The following ALDH4A1 variants were observed in gnomAD, a reference collection of about 807,000 sequenced individuals.
ALDH4A1 encodes the protein aldehyde dehydrogenase 4 family member A1.
In ALDH4A1, 46 loss-of-function variants were observed where a neutral mutation model predicts 70.5. The ratio of observed to expected loss-of-function variants is 0.65; its 90% CI spans 0.51 to 0.83. The LOEUF is 0.83. Ranked by LOEUF, ALDH4A1 falls within the 40% of genes least tolerant of loss-of-function variation. ALDH4A1 has a pLI of 0.00. For missense variants in ALDH4A1, 749 were observed against 766.5 expected, an observed-to-expected ratio of 0.98 and a Z score of 0.27; for synonymous variants, 323 against 324.3, an observed-to-expected ratio of 1.00 and a Z score of 0.04.
At chr1:18,876,512 A>T in intron 11 of ALDH4A1, 45 bp from the exon 12 acceptor site, 2 of 1,537,608 alleles carry the variant, frequency 1.3e-6, no homozygotes, top group Non-Finnish European at 1.7e-6. Context: ...CTGGGAAGGC[A>T]TCCCTGCGGC....
At chr1:18,890,623 T>G in intron 1 of ALDH4A1, 131 of 927,972 alleles carry the variant, frequency 1.4e-4, no homozygotes, top group South Asian at 2.0e-4. Context: ...TGTGTGTCCT[T>G]GAGCCTGTGA....
At chr1:18,883,533 G>T in intron 5 of ALDH4A1, 105 bp from the exon 6 acceptor site, 1 of 1,501,220 alleles carries the variant, frequency 6.7e-7, no homozygotes, top group Non-Finnish European at 9.0e-7. Flanking sequence ...CGGGCCCCAG[G>T]AGGGACCAGG....
At chr1:18,892,225 C>G (rs553812566) in intron 1 of ALDH4A1, among the ~76,000 whole-genome samples, 2 of 152,100 alleles carry the variant, frequency 1.3e-5, no homozygotes, top group African/African-American at 4.8e-5. Flanking sequence ...AGGAAGGACA[C>G]AAAACCAAAG....
intron 3 of ALDH4A1, among the ~76,000 whole-genome samples, chr1:18,887,427 C>A (rs34527859): frequency 3.4e-4 from 51 of 152,188 alleles, no homozygotes; most frequent in East Asian, 1.4e-3. Flanking sequence ...GTGAAACCCT[C>A]TCTCTACTAA....
intron 5 of ALDH4A1, among the ~76,000 whole-genome samples, chr1:18,885,028 C>T (rs985471815): frequency 2.6e-5 from 4 of 151,932 alleles, no homozygotes; most frequent in Admixed American, 2.0e-4. Flanking sequence ...GGCAGAAGGG[C>T]CCTGGGTATG....
In ALDH4A1 at chr1:18,881,272, A is replaced by G. The variant is rs542191125; in HGVS notation, c.866+428T>C. Among the ~76,000 whole-genome samples, 24 of 152,012 alleles carry G rather than the reference A, an allele frequency of 1.6e-4. No individual in the cohort carries two copies. The South Asian group carries it at 4.8e-3, about 30-fold the overall frequency. On this transcript the variant is annotated intron_variant, in intron 8 of 14. Coordinates refer to ENST00000375341, the MANE Select transcript of ALDH4A1 (RefSeq NM_003748.4). ...TGCTATTCCCTCTCCCAACATATATATTCTTCTCCTGCCTCTTCCCCTCTG... is the reference window on the plus strand; with the variant it reads ...TGCTATTCCCTCTCCCAACATATATGTTCTTCTCCTGCCTCTTCCCCTCTG...
intron 1 of ALDH4A1, chr1:18,890,587 C>G (rs569046018): frequency 1.3e-6 from 1 of 742,370 alleles, no homozygotes; most frequent in Non-Finnish European, 1.7e-6. Context: ...GTCCACAACC[C>G]AAGGTTCAAG....
In ALDH4A1 at chr1:18,876,341, C is replaced by G. The variant is rs1371290063; in HGVS notation, c.1312G>C (p.Asp438His). Residue 438 changes from aspartate to histidine, a missense_variant, in exon 12 of 15, where the codon GAC becomes CAC. Coordinates refer to ENST00000375341, the MANE Select transcript of ALDH4A1 (RefSeq NM_003748.4). ...TCCTTCATGATGGGCTCCTGAGGGT[C>G]CTTGCTCTCCACGATGCAGGGCTCC... ...FVEPCIVESKDPQEPIMKEEI... is the reference protein window; with the variant it reads ...FVEPCIVESKHPQEPIMKEEI... The G allele has an allele frequency of 6.2e-7, 1 of 1,613,964 alleles. No individual in the cohort carries two copies. The highest frequency in any genetic ancestry group is 1.1e-5 in the South Asian group (1 of 91,068).
chr1:18,890,588 A>C, intron 1 of ALDH4A1: 1 of 743,636 alleles, frequency 1.3e-6, no homozygotes, highest in East Asian at 1.3e-4. Flanking sequence ...TCCACAACCC[A>C]AGGTTCAAGT....
At chr1:18,899,765 G>C (rs1935739150) in intron 1 of ALDH4A1, among the ~76,000 whole-genome samples, 1 of 152,148 alleles carries the variant, frequency 6.6e-6, no homozygotes, top group African/African-American at 2.4e-5. Flanking sequence ...GCCATCCCTG[G>C]GCCCACCTAT....
chr1:18,882,835 C>T (rs1382767710), intron 7 of ALDH4A1, among the ~76,000 whole-genome samples: 1 of 152,236 alleles, frequency 6.6e-6, no homozygotes, highest in Non-Finnish European at 1.5e-5. Context: ...ATTTGAGCCT[C>T]ACAACCCAGT....
At chr1:18,875,182 G>A (rs1044335601) in intron 13 of ALDH4A1, among the ~76,000 whole-genome samples, 200 bp downstream of exon 13, 1 of 152,198 alleles carries the variant, frequency 6.6e-6, no homozygotes, top group Non-Finnish European at 1.5e-5. Context: ...CCCTGGCACC[G>A]GCACCACCAG....
chr1:18,893,011 C>T (rs549825973), intron 1 of ALDH4A1, among the ~76,000 whole-genome samples: 2 of 152,284 alleles, frequency 1.3e-5, no homozygotes, highest in East Asian at 1.9e-4. Flanking sequence ...ACCCTGCATT[C>T]AAGCTGCGCT....
intron 1 of ALDH4A1, chr1:18,891,005 G>T: frequency 2.0e-6 from 1 of 499,724 alleles, no homozygotes; most frequent in Non-Finnish European, 2.6e-6. Context: ...GGGGTGAGGT[G>T]CCTGATTCCA....
chr1:18,885,469 T>TTCCCC lies in ALDH4A1; in HGVS notation c.453+3_453+4insGGGGA. 1 of 781,642 alleles carries TTCCCC rather than the reference T, an allele frequency of 1.3e-6. No homozygotes were observed. 48.4% of individuals were successfully genotyped at this position (781,642 alleles called of 1,614,324 possible). A position where few individuals can be genotyped will look rare whatever the true frequency, so the allele number is the denominator to read the frequency against. On this transcript the variant is annotated splice_donor_region_variant and intron_variant, in intron 5 of 14. Transcript: ENST00000375341. The stretch of plus-strand genomic sequence containing the variant: ...CCACCCACCCGGGCCCACCAGCACC[T>TTCCCC]CACCTGTCCCACCATGGTCTTGGCG...
At chr1:18,873,040 C>CGGACCAG (rs1934515304) in intron 14 of ALDH4A1, 83 bp from the exon 15 acceptor site, 3 of 1,233,820 alleles carry the variant, frequency 2.4e-6, no homozygotes, top group Non-Finnish European at 3.5e-6. Flanking sequence ...ATGGAATCAA[C>CGGACCAG]GGACCAGCAG....
intron 7 of ALDH4A1, among the ~76,000 whole-genome samples, chr1:18,882,888 CTG>C (rs1208453089): frequency 2.0e-5 from 3 of 152,244 alleles, no homozygotes; most frequent in African/African-American, 7.2e-5. Context: ...GATGAGGAAA[CTG>C]TGCCTCAGAG....
chr1:18,887,548 G>A (rs931551147), intron 3 of ALDH4A1, among the ~76,000 whole-genome samples: 3 of 152,028 alleles, frequency 2.0e-5, no homozygotes, highest in Admixed American at 1.3e-4. Flanking sequence ...GCAGTGAGCC[G>A]AGATCGCACC....
intron 1 of ALDH4A1, among the ~76,000 whole-genome samples, chr1:18,899,370 C>T (rs922476753): frequency 1.3e-5 from 2 of 152,218 alleles, no homozygotes; most frequent in Non-Finnish European, 2.9e-5. Flanking sequence ...GGCCCACAAG[C>T]CCCCTGATGT....
Sources: allele counts gnomAD v4.1 joint callset (sites outside exome capture counted in the v4.1 genomes callset), GRCh38; gene constraint gnomAD v4.1.1; transcripts MANE v1.5; gene names NCBI Gene and HGNC (gene_info 2026-07-23, HGNC 2026-07-21).